The following COG6 variants were observed in gnomAD, a reference collection of about 807,000 sequenced individuals.
The protein encoded by COG6 is component of oligomeric golgi complex 6.
A neutral mutation model predicts 88.8 loss-of-function variants in COG6; 74 were observed. That is an observed-to-expected ratio of 0.83 (90% CI 0.69 to 1.01). The LOEUF is 1.01. COG6 is among the 50% of genes least tolerant of loss of function. The pLI is 0.00. For missense variants in COG6, 800 were observed against 797.9 expected (o/e 1.00, Z -0.03); for synonymous variants, 286 against 278.7 (o/e 1.03, Z -0.26).
Position 39,655,894 on chromosome 13 carries a change from C to G in COG6, c.153+15C>G. The G allele has an allele frequency of 6.2e-7, 1 of 1,601,590 alleles. No homozygotes were observed. On this transcript the variant is annotated intron_variant, in intron 1 of 18. Transcript: ENST00000455146. ...ACAACGACAAGGTAACCGGGGCTGG[C>G]GGGGCCGGAGTCACAGGTTCCTGCG...
intron 16 of COG6, 69 bp downstream of exon 16, chr13:39,723,509 A>C (rs1369708469): frequency 1.1e-6 from 1 of 904,898 alleles, no homozygotes; most frequent in Admixed American, 1.8e-5. Flanking sequence ...CTAGAGCTGC[A>C]CTCTGGATTC....
intron 13 of COG6, among the ~76,000 whole-genome samples, chr13:39,703,314 T>C (rs752322040): frequency 2.6e-5 from 4 of 152,170 alleles, no homozygotes; most frequent in Non-Finnish European, 5.9e-5. Flanking sequence ...CGACATTTTG[T>C]TGTTTTTCTC....
intron 4 of COG6, among the ~76,000 whole-genome samples, chr13:39,671,079 A>G (rs2137968969): frequency 6.6e-6 from 1 of 152,134 alleles, no homozygotes; most frequent in African/African-American, 2.4e-5. Flanking sequence ...CCAAAAGGAA[A>G]TATTGCCAGT....
chr13:39,740,907 A>C (rs1229957024), intron 18 of COG6, among the ~76,000 whole-genome samples: 2 of 152,148 alleles, frequency 1.3e-5, no homozygotes, highest in African/African-American at 4.8e-5. Context: ...TGCACTCTTA[A>C]CTGCGGTGCT....
chr13:39,710,142 C>T (rs1169278855), intron 13 of COG6, among the ~76,000 whole-genome samples: 1 of 152,172 alleles, frequency 6.6e-6, no homozygotes, highest in East Asian at 1.9e-4. Flanking sequence ...TCATATATCT[C>T]TCCATTTACT....
At chr13:39,692,356 A>G (rs1877027924) in intron 11 of COG6, among the ~76,000 whole-genome samples, 1 of 151,974 alleles carries the variant, frequency 6.6e-6, no homozygotes, top group Non-Finnish European at 1.5e-5. Flanking sequence ...ATTACCAGCT[A>G]TCATTTGAAT....
At chr13:39,739,133 A>G (rs2138119237) in intron 18 of COG6, among the ~76,000 whole-genome samples, 1 of 152,260 alleles carries the variant, frequency 6.6e-6, no homozygotes, top group South Asian at 2.1e-4. Flanking sequence ...GCAAAAAAGG[A>G]AATAAGAAAT....
At chr13:39,719,861 A>G (rs1187188253) in intron 15 of COG6, 34 bp downstream of exon 15, 1 of 1,538,064 alleles carries the variant, frequency 6.5e-7, no homozygotes, top group Non-Finnish European at 9.0e-7. Flanking sequence ...ATTGACTATG[A>G]TTGAATCTTT....
At chr13:39,753,920 C>T (rs1880747832), downstream of COG6, among the ~76,000 whole-genome samples, 2 of 152,190 alleles carry the variant, frequency 1.3e-5, no homozygotes, top group South Asian at 2.1e-4. Flanking sequence ...TTAAAGTATC[C>T]CAATATAGTT....
chr13:39,680,651 T>G (rs2137989598), intron 7 of COG6, among the ~76,000 whole-genome samples: 1 of 152,330 alleles, frequency 6.6e-6, no homozygotes, highest in East Asian at 1.9e-4. Flanking sequence ...TCCTTGTGTT[T>G]GCAGCACTGA....
downstream of COG6, among the ~76,000 whole-genome samples, chr13:39,755,803 G>T (rs573898436): frequency 4.3e-4 from 65 of 152,292 alleles, no homozygotes; most frequent in African/African-American, 1.5e-3. Context: ...GCAATTTTTT[G>T]GTTTAGGCAT....
At chr13:39,742,884 C>A (rs1210585614) in intron 18 of COG6, among the ~76,000 whole-genome samples, 2 of 152,134 alleles carry the variant, frequency 1.3e-5, no homozygotes, top group African/African-American at 4.8e-5. Context: ...TATAAAAGAA[C>A]AGAAATCACA....
intron 7 of COG6, 101 bp from the exon 8 acceptor site, chr13:39,682,070 T>A (rs188038663): frequency 2.5e-6 from 2 of 787,374 alleles, no homozygotes; most frequent in East Asian, 5.3e-5. Context: ...GATTTTTTTT[T>A]ATGGGGTGTT....
chr13:39,733,706 T>C lies in COG6; in HGVS notation c.1826+6158T>C, dbSNP rs1566032616. ...CATCTATTTCTTGGAATAGTTTGAG[T>C]AGAATTAGCATTAGTTCTTCCTTAA... On this transcript the variant is annotated intron_variant, in intron 18 of 18. Transcript: ENST00000455146. 3.3e-5 allele frequency among the ~76,000 whole-genome samples: 5 copies of C among 152,202 alleles called. No homozygotes were observed. The South Asian group carries it at 1.0e-3, about 32-fold the overall frequency.
At chr13:39,671,154 G>A (rs1875608317) in intron 4 of COG6, among the ~76,000 whole-genome samples, 1 of 152,036 alleles carries the variant, frequency 6.6e-6, no homozygotes, top group Non-Finnish European at 1.5e-5. Context: ...TATTGGACTG[G>A]AAATAAAAAT....
In COG6 at chr13:39,665,328, G is replaced by A. The variant is rs73455855; in HGVS notation, c.428+174G>A. On this transcript the variant is annotated intron_variant, in intron 4 of 18. Coordinates refer to ENST00000455146, the MANE Select transcript of COG6 (RefSeq NM_020751.3). Reference sequence around the variant, plus strand: ...TAAGCATAAAGACAGTAGTTTAGGAGCAATAAACTTGACATTGAGGTTGAG... The same window carrying A: ...TAAGCATAAAGACAGTAGTTTAGGAACAATAAACTTGACATTGAGGTTGAG... 6.9e-3 allele frequency among the ~76,000 whole-genome samples: 1,054 copies of A among 152,228 alleles called. 8 individuals carry two copies. The highest frequency in any genetic ancestry group is 0.024 in the African/African-American group (1,016 of 41,552).
chr13:39,678,098 G>C, intron 5 of COG6: 1 of 443,370 alleles, frequency 2.3e-6, no homozygotes, highest in South Asian at 1.6e-5. Context: ...ACAGGGTCTC[G>C]CTCTGTCAAC....
chr13:39,777,704 T>C (rs897580221), intron 18 of COG6, among the ~76,000 whole-genome samples: 1 of 152,166 alleles, frequency 6.6e-6, no homozygotes, highest in Non-Finnish European at 1.5e-5. Flanking sequence ...TTTAAGGCCA[T>C]CTGGTCTGAC....
intron 18 of COG6, among the ~76,000 whole-genome samples, chr13:39,775,989 G>A (rs536287273): frequency 6.6e-6 from 1 of 152,028 alleles, no homozygotes; most frequent in East Asian, 1.9e-4. Flanking sequence ...GTCTGGTCTC[G>A]AACTCCCCAC....
Sources: gnomAD v4.1 joint callset for allele counts (sites outside exome capture counted in the v4.1 genomes callset) on GRCh38, gnomAD v4.1.1 for gene constraint, MANE v1.5 for transcripts, NCBI Gene and HGNC (gene_info 2026-07-23, HGNC 2026-07-21) for gene names.